The following MEF2A variants were observed in gnomAD, a reference collection of about 807,000 sequenced individuals.
The protein encoded by MEF2A is myocyte enhancer factor 2A.
MEF2A carries 28 observed loss-of-function variants against 55.8 expected under a neutral mutation model. The observed-to-expected ratio is 0.50, with a 90% CI of 0.37 to 0.69. The LOEUF is 0.69. Among genes scored for constraint, MEF2A ranks in the 30% least tolerant of loss-of-function variants. MEF2A has a pLI of 0.00. For missense variants in MEF2A, 528 were observed against 626.2 expected, an observed-to-expected ratio of 0.84 and a Z score of 1.67; for synonymous variants, 239 against 227.1, an observed-to-expected ratio of 1.05 and a Z score of -0.47.
At chr15:99,694,764 T>A (rs1037377177) in intron 8 of MEF2A, among the ~76,000 whole-genome samples, 2 of 152,350 alleles carry the variant, frequency 1.3e-5, no homozygotes, top group African/African-American at 4.8e-5. Context: ...GAAGGATATC[T>A]ACATAAATTA....
At chr15:99,610,178 A>G (rs1976629811) in intron 2 of MEF2A, among the ~76,000 whole-genome samples, 1 of 152,158 alleles carries the variant, frequency 6.6e-6, no homozygotes, top group East Asian at 1.9e-4. Flanking sequence ...AATTATATTT[A>G]TAGTATTATC....
At position 99,712,709 on chromosome 15, in the gene MEF2A, A is replaced by G. The variant is rs1327924467; in HGVS notation, c.1456A>G (p.Asn486Asp). 1.9e-6 allele frequency: 3 copies of G among 1,565,296 alleles called. No individual in the cohort carries two copies. Among genetic ancestry groups the G allele is most frequent in the East Asian group, 2.4e-5 (1 of 42,074 alleles). The change falls in exon 12 of 12, where the codon AAC becomes GAC. Residue 486 changes from asparagine (N) to aspartate (D), a missense_variant. By Grantham distance (23) the Asn-to-Asp change is conservative. Coordinates refer to ENST00000557942, the MANE Select transcript of MEF2A (RefSeq NM_001319206.4). The surrounding 1 kb of genome is among the most constrained non-coding windows in gnomAD (Gnocchi z 4.1). ...TCCAATTGTGCTTGGCCGACCCCCA[A>G]ACACTGAGGACAGAGAAAGCCCTTC... ...HSPIVLGRPP[N>D]TEDRESPSVK...
chr15:99,607,255 ATG>A (rs978651426), intron 2 of MEF2A, among the ~76,000 whole-genome samples: 1 of 152,186 alleles, frequency 6.6e-6, no homozygotes, highest in Non-Finnish European at 1.5e-5. Context: ...GAGGGATTTA[ATG>A]ATTGTTGAAT....
chr15:99,710,467 T>C (rs1158667915), intron 10 of MEF2A, among the ~76,000 whole-genome samples, 167 bp from the exon 11 acceptor site: 1 of 152,324 alleles, frequency 6.6e-6, no homozygotes, highest in Non-Finnish European at 1.5e-5. Context: ...GGTCTCAAAC[T>C]CCTGACCTCA....
intron 7 of MEF2A, among the ~76,000 whole-genome samples, chr15:99,683,703 C>T (rs1460867922): frequency 2.0e-5 from 2 of 102,110 alleles, no homozygotes; most frequent in Non-Finnish European, 4.2e-5. Context: ...CATGCCTGGG[C>T]CTTTTATTAA....
chr15:99,582,035 G>A (rs141502652), intron 1 of MEF2A, among the ~76,000 whole-genome samples: 4 of 151,982 alleles, frequency 2.6e-5, no homozygotes, highest in Admixed American at 6.6e-5. Context: ...TTTTAATGCC[G>A]CTGGAATGTT....
chr15:99,607,551 A>G (rs1975593678), intron 2 of MEF2A, among the ~76,000 whole-genome samples: 2 of 152,166 alleles, frequency 1.3e-5, no homozygotes, highest in African/African-American at 4.8e-5. Context: ...ATCTTTTTGT[A>G]TGATTTAATT....
At chr15:99,634,443 A>G (rs770615340) in intron 3 of MEF2A, among the ~76,000 whole-genome samples, 14 of 152,304 alleles carry the variant, frequency 9.2e-5, no homozygotes, top group Non-Finnish European at 1.3e-4. Context: ...TCCCTTCACA[A>G]TCTGAGGATT....
chr15:99,656,884 A>G (rs551379192), intron 4 of MEF2A, among the ~76,000 whole-genome samples: 106 of 152,134 alleles, frequency 7.0e-4, no homozygotes, highest in Non-Finnish European at 1.4e-3. Flanking sequence ...AGTTGGTACA[A>G]CCATGAACGC....
chr15:99,658,386 G>C (rs1231069729), intron 4 of MEF2A, among the ~76,000 whole-genome samples: 1 of 152,108 alleles, frequency 6.6e-6, no homozygotes, highest in East Asian at 1.9e-4. Flanking sequence ...AGAATTCAAT[G>C]CAAATATTAA....
At chr15:99,668,123 T>G (rs1365238695) in intron 4 of MEF2A, among the ~76,000 whole-genome samples, 1 of 152,156 alleles carries the variant, frequency 6.6e-6, no homozygotes, top group Non-Finnish European at 1.5e-5. Context: ...AGAAAAATGA[T>G]TGTTTCTAAC....
chr15:99,650,912 T>A (rs2046752576), intron 4 of MEF2A, among the ~76,000 whole-genome samples: 3 of 152,188 alleles, frequency 2.0e-5, no homozygotes, highest in African/African-American at 7.2e-5. Flanking sequence ...TGAATTAATT[T>A]GAATTAACTT....
chr15:99,710,673 G>A lies in MEF2A; in HGVS notation c.1049G>A (p.Gly350Asp). 2 of 1,613,696 alleles carry A rather than the reference G, an allele frequency of 1.2e-6. No homozygotes were observed. Among genetic ancestry groups the A allele is most frequent in the Non-Finnish European group, 1.7e-6 (2 of 1,179,602 alleles). Residue 350 changes from glycine (G) to aspartate (D), a missense_variant, in exon 11 of 12, where the codon GGC becomes GAC. This residue lies in a region of MEF2A where 450 missense variants were observed against 475.3 expected (regional missense o/e 0.95). Coordinates refer to ENST00000557942, the MANE Select transcript of MEF2A (RefSeq NM_001319206.4). The part of the protein sequence containing the change: ...LTSADLSALQ[G>D]FNSPGMLSLG... ...AGCGCTGACCTGTCAGCCCTTCAAG[G>A]CTTCAACTCGCCAGGAATGCTGTCG...
At chr15:99,619,340 G>A (rs1442016311) in intron 2 of MEF2A, among the ~76,000 whole-genome samples, 1 of 152,144 alleles carries the variant, frequency 6.6e-6, no homozygotes, top group East Asian at 1.9e-4. Flanking sequence ...AGAATACAGC[G>A]GTTGGAGTGC....
In MEF2A at chr15:99,690,280, T is replaced by C. The variant is rs1368740492; in HGVS notation, c.710T>C (p.Ile237Thr). ...FVNSRASPNL[I>T]GATGANSLGK... ...AACTCAAGAGCTTCTCCAAATTTGA[T>C]TGGAGCTACTGGTGCAAATAGCTTA... Residue 237 changes from isoleucine to threonine, a missense_variant, in exon 8 of 12, where the codon ATT becomes ACT. By Grantham distance (89) the Ile-to-Thr change is moderately conservative. Coordinates refer to ENST00000557942, the MANE Select transcript of MEF2A (RefSeq NM_001319206.4). The C allele has an allele frequency of 1.2e-6, 2 of 1,613,804 alleles. No homozygotes were observed. Among genetic ancestry groups the C allele is most frequent in the Non-Finnish European group, 1.7e-6 (2 of 1,179,806 alleles).
At chr15:99,659,143 A>G (rs1008984791) in intron 4 of MEF2A, among the ~76,000 whole-genome samples, 4 of 152,154 alleles carry the variant, frequency 2.6e-5, no homozygotes, top group African/African-American at 7.2e-5. Flanking sequence ...AATCAGCTCT[A>G]TCTTAGTATT....
intron 1 of MEF2A, among the ~76,000 whole-genome samples, chr15:99,573,499 C>G (rs978041237): frequency 2.6e-5 from 4 of 152,176 alleles, no homozygotes; most frequent in African/African-American, 9.7e-5. Flanking sequence ...TTCTATTTTG[C>G]TTTCTTGCTG....
At chr15:99,676,061 A>T (rs752180066) in intron 7 of MEF2A, among the ~76,000 whole-genome samples, 2 of 152,070 alleles carry the variant, frequency 1.3e-5, no homozygotes, top group Non-Finnish European at 2.9e-5. Flanking sequence ...AATTATGGAG[A>T]TGATTGAATG....
At chr15:99,574,108 A>G (rs1394233713) in intron 1 of MEF2A, among the ~76,000 whole-genome samples, 1 of 152,208 alleles carries the variant, frequency 6.6e-6, no homozygotes, top group Non-Finnish European at 1.5e-5. Flanking sequence ...AGAATAGTAC[A>G]ATGAACTCCC....
Sources: allele counts gnomAD v4.1 joint callset (sites outside exome capture counted in the v4.1 genomes callset), GRCh38; gene constraint gnomAD v4.1.1; regional missense constraint gnomAD v4.1.1; non-coding constraint Gnocchi (gnomAD v3.1); transcripts MANE v1.5; gene names NCBI Gene and HGNC (gene_info 2026-07-23, HGNC 2026-07-21).